ATP8A1: variants seen among roughly 807,000 people sequenced by gnomAD.
ATP8A1 encodes ATPase phospholipid transporting 8A1, also known as phospholipid-transporting ATPase IA.
Under a neutral mutation model 177.7 loss-of-function variants are expected in ATP8A1, and 90 were observed. The ratio of observed to expected loss-of-function variants is 0.51; its 90% CI spans 0.43 to 0.60. The LOEUF (loss-of-function observed/expected upper bound fraction) is 0.60. Ranked by LOEUF, ATP8A1 falls within the 20% of genes least tolerant of loss-of-function variation. The pLI is 0.00. For missense variants in ATP8A1, 1,072 were observed against 1,392.8 expected (o/e 0.77, Z 3.67); for synonymous variants, 493 against 485.9 (o/e 1.01, Z -0.19).
intron 24 of ATP8A1, among the ~76,000 whole-genome samples, chr4:42,486,571 T>G (rs939456726): frequency 6.6e-6 from 1 of 152,196 alleles, no homozygotes; most frequent in African/African-American, 2.4e-5. Context: ...GGCAAACATA[T>G]TTTCAGTAAA....
intron 24 of ATP8A1, among the ~76,000 whole-genome samples, chr4:42,495,468 A>G (rs949781664): frequency 6.6e-6 from 1 of 152,362 alleles, no homozygotes; most frequent in African/African-American, 2.4e-5. Flanking sequence ...CGTATGCCTG[A>G]GAGTAGGGAG....
intron 1 of ATP8A1, among the ~76,000 whole-genome samples, chr4:42,640,153 T>TG (rs2109543266): frequency 6.6e-6 from 1 of 152,122 alleles, no homozygotes; most frequent in East Asian, 1.9e-4. Flanking sequence ...TTTTTTAAAA[T>TG]GGGAGTCTAC....
chr4:42,443,709 T>C (rs1216321881), intron 32 of ATP8A1, 37 bp from the exon 33 acceptor site: 4 of 901,866 alleles, frequency 4.4e-6, no homozygotes, highest in African/African-American at 3.3e-5. Context: ...AAAAGTTTTA[T>C]GTAGACCGAG....
At chr4:42,415,988 T>C (rs1043472800) in intron 35 of ATP8A1, among the ~76,000 whole-genome samples, 1 of 152,218 alleles carries the variant, frequency 6.6e-6, no homozygotes, top group Non-Finnish European at 1.5e-5. Context: ...TTTATTGTCA[T>C]TGGAAATTAG....
At chr4:42,484,407 C>A (rs1721997185) in intron 25 of ATP8A1, among the ~76,000 whole-genome samples, 2 of 152,016 alleles carry the variant, frequency 1.3e-5, no homozygotes, top group Admixed American at 6.6e-5. Context: ...ACTCTTAATT[C>A]TCTGAATATG....
chr4:42,416,710 T>C (rs995660131), intron 35 of ATP8A1, among the ~76,000 whole-genome samples: 2 of 152,114 alleles, frequency 1.3e-5, no homozygotes, highest in African/African-American at 2.4e-5. Context: ...TCATCTCCTA[T>C]ATATCAGGAG....
chr4:42,596,497 C>T (rs1734724820), intron 6 of ATP8A1, among the ~76,000 whole-genome samples: 1 of 151,872 alleles, frequency 6.6e-6, no homozygotes, highest in Admixed American at 6.6e-5. Flanking sequence ...TGGCGAAACC[C>T]TGTCTCTACC....
At chr4:42,581,302 T>C (rs1733034039) in intron 10 of ATP8A1, among the ~76,000 whole-genome samples, 1 of 152,030 alleles carries the variant, frequency 6.6e-6, no homozygotes, top group Non-Finnish European at 1.5e-5. Flanking sequence ...CCCGGCTAAT[T>C]TTTTGTATTT....
chr4:42,561,482 T>C (rs997091328), intron 15 of ATP8A1: 2 of 152,322 alleles, frequency 1.3e-5, no homozygotes, highest in African/African-American at 2.4e-5. Flanking sequence ...GTTCCCAAAG[T>C]AGTCCCACTC....
intron 19 of ATP8A1, among the ~76,000 whole-genome samples, chr4:42,547,421 T>C (rs1729037969): frequency 1.3e-5 from 2 of 152,230 alleles, no homozygotes; most frequent in Non-Finnish European, 2.9e-5. Flanking sequence ...ACTTTTCTCA[T>C]GTTCATTCTT....
At chr4:42,573,292 AT>A (rs774579207) in intron 14 of ATP8A1, among the ~76,000 whole-genome samples, 39 of 152,208 alleles carry the variant, frequency 2.6e-4, no homozygotes, top group Admixed American at 3.9e-4. Context: ...GTGTAAAAAA[AT>A]CATCATAAAT....
intron 1 of ATP8A1, among the ~76,000 whole-genome samples, chr4:42,635,141 T>C (rs964510875): frequency 6.6e-5 from 10 of 152,144 alleles, no homozygotes; most frequent in African/African-American, 2.4e-4. Context: ...CCATATAATT[T>C]GGTCAATTAA....
At chr4:42,651,623 A>G (rs988567845) in intron 1 of ATP8A1, among the ~76,000 whole-genome samples, 2 of 152,210 alleles carry the variant, frequency 1.3e-5, no homozygotes, top group African/African-American at 2.4e-5. Context: ...GTGGAAACCA[A>G]TGCAAAATAA....
intron 1 of ATP8A1, among the ~76,000 whole-genome samples, chr4:42,642,812 C>T (rs998571379): frequency 2.6e-5 from 4 of 152,078 alleles, no homozygotes; most frequent in Admixed American, 6.5e-5. Flanking sequence ...GCTGGTATAC[C>T]GTGACCACTG....
In ATP8A1 at chr4:42,656,993, GC is replaced by G; in HGVS notation, c.-121del. The G allele has an allele frequency of 1.8e-6, 2 of 1,095,308 alleles. No individual in the cohort carries two copies. The highest frequency in any genetic ancestry group is 2.3e-6 in the Non-Finnish European group (2 of 851,296). The allele number at this position is 1,095,308 out of a possible 1,614,324, so 67.8% of individuals were successfully genotyped here. On this transcript the variant is annotated 5_prime_UTR_variant, in exon 1 of 37. Coordinates refer to ENST00000381668, the MANE Select transcript of ATP8A1 (RefSeq NM_006095.2). The stretch of plus-strand genomic sequence containing the variant: ...CAGCTGCAGCCTGGGCCGCGCCGCC[GC>G]CCACCTAGGGCAGAGCTGCCGCCGG...
At chr4:42,564,672 T>A (rs528264598) in intron 15 of ATP8A1, among the ~76,000 whole-genome samples, 1 of 152,370 alleles carries the variant, frequency 6.6e-6, no homozygotes, top group South Asian at 2.1e-4. Context: ...CTTTTGATTT[T>A]ACAGGCTCAT....
At position 42,410,373 on chromosome 4, in the gene ATP8A1, T is replaced by A. The variant is rs1712449155; in HGVS notation, c.*2543A>T. 1 of 152,212 alleles carries A rather than the reference T, an allele frequency of 6.6e-6. No homozygotes were observed. The highest frequency in any genetic ancestry group is 1.5e-5 in the Non-Finnish European group (1 of 68,022). The allele number at this position is 152,212 out of a possible 1,614,324, so 9.4% of individuals were successfully genotyped here. The stretch of plus-strand genomic sequence containing the variant: ...TTGCCAGAGTCCCTATAAGGAACTT[T>A]TTAATTGAAGAGTACGTGCCCTTTA... On this transcript the variant is annotated 3_prime_UTR_variant, in exon 37 of 37. Coordinates refer to ENST00000381668, the MANE Select transcript of ATP8A1 (RefSeq NM_006095.2).
At chr4:42,490,051 A>G (rs1722590360) in intron 24 of ATP8A1, among the ~76,000 whole-genome samples, 1 of 152,172 alleles carries the variant, frequency 6.6e-6, no homozygotes, top group Non-Finnish European at 1.5e-5. Context: ...AGGTAAGAGG[A>G]AAGGCTGGGG....
chr4:42,556,274 C>A, intron 15 of ATP8A1: 1 of 333,990 alleles, frequency 3.0e-6, no homozygotes, highest in Non-Finnish European at 5.4e-6. Flanking sequence ...TAGTATTTTA[C>A]AGTTCATTTT....
Sources: gnomAD v4.1 joint callset for allele counts (sites outside exome capture counted in the v4.1 genomes callset) on GRCh38, gnomAD v4.1.1 for gene constraint, MANE v1.5 for transcripts, NCBI Gene and HGNC (gene_info 2026-07-23, HGNC 2026-07-21) for gene names.